RANBP17: variants seen among roughly 807,000 people sequenced by gnomAD.
The protein encoded by RANBP17 is RAN binding protein 17.
RANBP17 carries 158 observed loss-of-function variants against 141.2 expected under a neutral mutation model. The observed-to-expected ratio is 1.12, with a 90% CI of 0.98 to 1.28. The LOEUF (loss-of-function observed/expected upper bound fraction) is 1.28. RANBP17 is among the 50% of genes most tolerant of loss of function. RANBP17 has a pLI of 0.00. For missense variants in RANBP17, 1,438 were observed against 1,290.7 expected (o/e 1.11, Z -1.75); for synonymous variants, 430 against 450.0 (o/e 0.96, Z 0.56).
At chr5:171,203,208 T>C (rs1048952342) in intron 19 of RANBP17, among the ~76,000 whole-genome samples, 5 of 152,310 alleles carry the variant, frequency 3.3e-5, no homozygotes, top group African/African-American at 1.2e-4. Context: ...AAAATAAAAC[T>C]CTTTGCACTA....
chr5:171,202,089 G>A (rs1014362502), intron 19 of RANBP17, among the ~76,000 whole-genome samples: 1 of 152,212 alleles, frequency 6.6e-6, no homozygotes, highest in African/African-American at 2.4e-5. Flanking sequence ...AAACATTAAG[G>A]ACCTGTGTTG....
intron 14 of RANBP17, among the ~76,000 whole-genome samples, chr5:171,167,538 A>G (rs1215994802): frequency 6.6e-6 from 1 of 152,192 alleles, no homozygotes; most frequent in Non-Finnish European, 1.5e-5. Context: ...GGAATTTATT[A>G]TTAATTTCAT....
intron 14 of RANBP17, among the ~76,000 whole-genome samples, chr5:171,120,247 T>A (rs1030828822): frequency 6.6e-6 from 1 of 152,178 alleles, no homozygotes; most frequent in African/African-American, 2.4e-5. Flanking sequence ...CCACTGGAAC[T>A]GCTCTGGGTC....
Position 171,006,522 on chromosome 5 carries a change from C to T in RANBP17, c.1710+38145C>T, listed in dbSNP as rs1455427526. On this transcript the variant is annotated intron_variant, in intron 14 of 27. Transcript: ENST00000523189. ...CAAAAAACCAAACACTCCACGTTCT[C>T]ACTCATAGGTGGGAATTGAACAATG... is the stretch of plus-strand genomic sequence containing the variant. Among the ~76,000 whole-genome samples, 3 of 152,244 alleles carry T rather than the reference C, an allele frequency of 2.0e-5. No homozygotes were observed. The East Asian group carries it at 5.8e-4, about 29-fold the overall frequency.
rs975904267 is a variant in RANBP17, at chr5:171,138,475, A to G, written c.1711-31655A>G. On this transcript the variant is annotated intron_variant, in intron 14 of 27. Coordinates refer to ENST00000523189, the MANE Select transcript of RANBP17 (RefSeq NM_022897.5). Reference sequence around the variant, plus strand: ...ATGGCCTTAGATATATGGAGATTTTATACCCTCTTGCAGGCTCTTTTATCA... The same window carrying G: ...ATGGCCTTAGATATATGGAGATTTTGTACCCTCTTGCAGGCTCTTTTATCA... 2.0e-5 allele frequency among the ~76,000 whole-genome samples: 3 copies of G among 150,864 alleles called. No homozygotes were observed. In the Admixed American group the frequency reaches 2.0e-4, roughly 10 times the overall value.
At chr5:170,878,269 C>A in intron 2 of RANBP17, 26 bp downstream of exon 2, 4 of 1,580,212 alleles carry the variant, frequency 2.5e-6, no homozygotes, top group Non-Finnish European at 3.5e-6. Flanking sequence ...CAATGATTAA[C>A]CATGAAAGAT....
At chr5:171,122,704 T>C (rs528847281) in intron 14 of RANBP17, among the ~76,000 whole-genome samples, 1 of 152,138 alleles carries the variant, frequency 6.6e-6, no homozygotes, top group Admixed American at 6.5e-5. Context: ...GCCCTGAGAG[T>C]AGTATAGGAA....
chr5:171,274,238 A>G (rs1435739395), intron 25 of RANBP17, among the ~76,000 whole-genome samples: 2 of 152,056 alleles, frequency 1.3e-5, no homozygotes, highest in African/African-American at 4.8e-5. Context: ...CTAGGTAACA[A>G]CCAGGTAATA....
chr5:170,991,620 C>A (rs1417901636), intron 14 of RANBP17, among the ~76,000 whole-genome samples: 3 of 151,934 alleles, frequency 2.0e-5, no homozygotes, highest in Non-Finnish European at 4.4e-5. Context: ...CAGCTCTGGG[C>A]TTCAACTAGC....
At chr5:171,050,407 G>C (rs755503639) in intron 14 of RANBP17, among the ~76,000 whole-genome samples, 3 of 152,120 alleles carry the variant, frequency 2.0e-5, no homozygotes, top group Non-Finnish European at 2.9e-5. Flanking sequence ...AAACCTACCA[G>C]ATAATGTTGT....
chr5:171,081,568 T>G (rs1785260477), intron 14 of RANBP17, among the ~76,000 whole-genome samples: 1 of 152,184 alleles, frequency 6.6e-6, no homozygotes, highest in African/African-American at 2.4e-5. Context: ...TACATATCAT[T>G]GTACAACTGT....
At chr5:171,003,680 G>C (rs1779380139) in intron 14 of RANBP17, among the ~76,000 whole-genome samples, 2 of 152,230 alleles carry the variant, frequency 1.3e-5, no homozygotes, top group Admixed American at 6.5e-5. Context: ...TATTGAATAA[G>C]GTGAGAAGTG....
intron 14 of RANBP17, among the ~76,000 whole-genome samples, chr5:171,049,103 T>C (rs918212290): frequency 6.6e-6 from 1 of 152,248 alleles, no homozygotes; most frequent in African/African-American, 2.4e-5. Flanking sequence ...AAGAGCAGTT[T>C]ATAAGCATTC....
At chr5:171,099,395 T>C (rs1786957517) in intron 14 of RANBP17, among the ~76,000 whole-genome samples, 1 of 152,190 alleles carries the variant, frequency 6.6e-6, no homozygotes, top group African/African-American at 2.4e-5. Flanking sequence ...GGGAGTTTGC[T>C]CATGATTTGG....
At chr5:171,000,868 A>C (rs113896406) in intron 14 of RANBP17, among the ~76,000 whole-genome samples, 2 of 152,186 alleles carry the variant, frequency 1.3e-5, no homozygotes, top group African/African-American at 4.8e-5. Context: ...GGAAGATTAC[A>C]AAGTACATTC....
At chr5:170,896,382 G>A in intron 5 of RANBP17, 1 of 404,346 alleles carries the variant, frequency 2.5e-6, no homozygotes, top group African/African-American at 2.1e-5. Context: ...GGCACTTGGA[G>A]AATTGTTCTT....
At chr5:171,101,294 A>G (rs1787142514) in intron 14 of RANBP17, among the ~76,000 whole-genome samples, 1 of 152,190 alleles carries the variant, frequency 6.6e-6, no homozygotes, top group African/African-American at 2.4e-5. Flanking sequence ...TATTGGGTGC[A>G]TATATATTTA....
chr5:170,996,643 G>A (rs1778836837), intron 14 of RANBP17, among the ~76,000 whole-genome samples: 2 of 152,122 alleles, frequency 1.3e-5, no homozygotes, highest in South Asian at 2.1e-4. Context: ...ATAATGTTTA[G>A]CATTTTACTT....
intron 14 of RANBP17, among the ~76,000 whole-genome samples, chr5:171,053,878 CATATATATATAT>C (rs58623197): frequency 0.012 from 209 of 17,222 alleles, 3 homozygotes; most frequent in East Asian, 0.041. Flanking sequence ...GTGTTTAGTT[CATATATATATAT>C]ATATATATAT....
Sources: gnomAD v4.1 joint callset for allele counts (sites outside exome capture counted in the v4.1 genomes callset) on GRCh38, gnomAD v4.1.1 for gene constraint, MANE v1.5 for transcripts, NCBI Gene and HGNC (gene_info 2026-07-23, HGNC 2026-07-21) for gene names.